The following KCNQ1 variants were observed in gnomAD, a reference collection of about 807,000 sequenced individuals.
KCNQ1 encodes the protein potassium voltage-gated channel subfamily KQT member 1.
Under a neutral mutation model 72.4 loss-of-function variants are expected in KCNQ1, and 49 were observed. The ratio of observed to expected loss-of-function variants is 0.68; its 90% CI spans 0.54 to 0.86. The LOEUF (loss-of-function observed/expected upper bound fraction) is 0.86, where lower values mean the gene tolerates loss of function less well. Among genes scored for constraint, KCNQ1 ranks in the 40% least tolerant of loss-of-function variants. The probability of loss-of-function intolerance (pLI) is 0.00; values close to 1 mark genes in which losing one functional copy is unlikely to be tolerated. For missense variants in KCNQ1, 790 were observed against 945.1 expected (o/e 0.84, Z 2.15); for synonymous variants, 450 against 412.6 (o/e 1.09, Z -1.10).
chr11:2,774,860 A>G (rs771065476), intron 12 of KCNQ1, among the ~76,000 whole-genome samples: 88 of 152,056 alleles, frequency 5.8e-4, no homozygotes, highest in Non-Finnish European at 9.7e-4. Flanking sequence ...CGGGCCCTCA[A>G]CGGTACCTGA....
In KCNQ1 at chr11:2,483,470, C is replaced by T. The variant is rs370623598; in HGVS notation, c.386+37986C>T. On this transcript the variant is annotated intron_variant, in intron 1 of 15. Coordinates refer to ENST00000155840, the MANE Select transcript of KCNQ1 (RefSeq NM_000218.3). The surrounding 1 kb of genome is among the most constrained non-coding windows in gnomAD (Gnocchi z 6.1). The stretch of plus-strand genomic sequence containing the variant: ...TCAACTGCAGATCTGATTCAAATCC[C>T]GCGTTTTTCTAGCATCCGGTTTCTG... Among the ~76,000 whole-genome samples, 3 of 152,056 alleles carry T rather than the reference C, an allele frequency of 2.0e-5. No homozygotes were observed. Among genetic ancestry groups the T allele is most frequent in the African/African-American group, 4.8e-5 (2 of 41,382 alleles).
In KCNQ1 at chr11:2,538,268, G is replaced by A. The variant is rs932255066; in HGVS notation, c.477+10250G>A. 9.9e-5 allele frequency among the ~76,000 whole-genome samples: 15 copies of A among 152,168 alleles called. No homozygotes were observed. The highest frequency in any genetic ancestry group is 3.4e-4 in the African/African-American group (14 of 41,416). Reference sequence around the variant, plus strand: ...AGCTTCTTTGACCTGGAGCAGCCCTGCCCGGCCTTCCCTTCTTGGTCTCTC... The same window carrying A: ...AGCTTCTTTGACCTGGAGCAGCCCTACCCGGCCTTCCCTTCTTGGTCTCTC... On this transcript the variant is annotated intron_variant, in intron 2 of 15. Coordinates refer to ENST00000155840, the MANE Select transcript of KCNQ1 (RefSeq NM_000218.3). The surrounding 1 kb of genome is among the most constrained non-coding windows in gnomAD (Gnocchi z 6.7).
rs1845744176 is a variant in KCNQ1 at position 2,725,516 on chromosome 11, G to C, written c.1515-43328G>C. On this transcript the variant is annotated intron_variant, in intron 11 of 15. Coordinates refer to ENST00000155840, the MANE Select transcript of KCNQ1 (RefSeq NM_000218.3). This position sits in a 1 kb window ranked among gnomAD's most constrained non-coding sequence, Gnocchi z 7.2. ...TTCGAGCTACTGATATAGAACCTCT[G>C]CGTTTAGCTGTGGTTTAGGAAGTGC... Among the ~76,000 whole-genome samples the C allele has an allele frequency of 6.6e-6, 1 of 152,216 alleles. No homozygotes were observed. The highest frequency in any genetic ancestry group is 2.1e-4 in the South Asian group (1 of 4,830).
intron 10 of KCNQ1, among the ~76,000 whole-genome samples, chr11:2,596,854 CAATA>C (rs551559310): frequency 1.5e-4 from 22 of 151,480 alleles, no homozygotes; most frequent in African/African-American, 5.1e-4. Context: ...AATTATATCT[CAATA>C]AAACTGTTTA....
chr11:2,659,925 A>G lies in KCNQ1; in HGVS notation c.1394-2036A>G, dbSNP rs540484323. On this transcript the variant is annotated intron_variant, in intron 10 of 15. Transcript: ENST00000155840. This position sits in a 1 kb window ranked among gnomAD's most constrained non-coding sequence, Gnocchi z 4.3. ...TTGTCAAGTTGTAAGCATTCTTTAT[A>G]TATTCTGAGTGCAAGTCCTTGACCT... 2 of 398,378 alleles carry G rather than the reference A, an allele frequency of 5.0e-6. No individual in the cohort carries two copies. Among genetic ancestry groups the G allele is most frequent in the African/African-American group, 4.1e-5 (2 of 48,736 alleles). 24.7% of individuals were successfully genotyped at this position (398,378 alleles called of 1,614,324 possible).
At chr11:2,763,587 T>C (rs749619912) in intron 11 of KCNQ1, among the ~76,000 whole-genome samples, 2 of 152,194 alleles carry the variant, frequency 1.3e-5, no homozygotes, top group Non-Finnish European at 2.9e-5. Context: ...AATATACATA[T>C]ACATATTTTA....
chr11:2,755,406 G>T (rs190186786), intron 11 of KCNQ1, among the ~76,000 whole-genome samples: 1 of 152,038 alleles, frequency 6.6e-6, no homozygotes, highest in East Asian at 1.9e-4. Flanking sequence ...ACGTGCCACC[G>T]CGCCTGGCTA....
chr11:2,800,276 C>A (rs535848042), intron 15 of KCNQ1, among the ~76,000 whole-genome samples: 12 of 152,352 alleles, frequency 7.9e-5, no homozygotes, highest in Non-Finnish European at 1.0e-4. Context: ...AGAGGCCTCC[C>A]CCAGCAGGGT....
Position 2,544,215 on chromosome 11 carries a change from T to C in KCNQ1, c.477+16197T>C, listed in dbSNP as rs534996229. On this transcript the variant is annotated intron_variant, in intron 2 of 15. Transcript: ENST00000155840. This position sits in a 1 kb window ranked among gnomAD's most constrained non-coding sequence, Gnocchi z 4.4. ...ATATTGAATCCTCTGATCAATGAGA[T>C]TATCTATCTCATATATATATATGTG... Among the ~76,000 whole-genome samples, 3 of 151,258 alleles carry C rather than the reference T, an allele frequency of 2.0e-5. No individual in the cohort carries two copies. The East Asian group carries it at 5.8e-4, about 29-fold the overall frequency.
At chr11:2,570,795 C>T (rs773857397) in intron 3 of KCNQ1, 41 bp downstream of exon 3, 52 of 1,605,214 alleles carry the variant, frequency 3.2e-5, no homozygotes, top group Admixed American at 3.3e-5. Flanking sequence ...CCCAGGTTTC[C>T]AGACCAGGAA....
chr11:2,581,915 G>A (rs993639580), intron 6 of KCNQ1, among the ~76,000 whole-genome samples: 15 of 152,182 alleles, frequency 9.9e-5, no homozygotes, highest in Non-Finnish European at 1.8e-4. Flanking sequence ...GGACAGTGGC[G>A]CTGCAGGGAG....
intron 1 of KCNQ1, among the ~76,000 whole-genome samples, chr11:2,469,673 AT>A (rs142349298): frequency 0.27 from 41,340 of 150,474 alleles, 6,166 homozygotes; most frequent in African/African-American, 0.36. Flanking sequence ...CTTTTAAACA[AT>A]TTTTTTTTTC....
At position 2,695,994 on chromosome 11, in the gene KCNQ1, A is replaced by G. The variant is rs1461510098; in HGVS notation, c.1514+33913A>G. 2 of 398,636 alleles carry G rather than the reference A, an allele frequency of 5.0e-6. No homozygotes were observed. 24.7% of individuals were successfully genotyped at this position (398,636 alleles called of 1,614,324 possible). On this transcript the variant is annotated intron_variant, in intron 11 of 15. Coordinates refer to ENST00000155840, the MANE Select transcript of KCNQ1 (RefSeq NM_000218.3). The surrounding 1 kb of genome is among the most constrained non-coding windows in gnomAD (Gnocchi z 5.2). Reference sequence around the variant, plus strand: ...CAAATATCTTGTAATGAGTCATGGCAAAGTTACATTCATGAGTGTAAAAGT... The same window carrying G: ...CAAATATCTTGTAATGAGTCATGGCGAAGTTACATTCATGAGTGTAAAAGT...
chr11:2,812,366 C>A lies in KCNQ1; in HGVS notation c.1794+34329C>A, dbSNP rs75932369. ...CCTTCCTCCCTGAGACCTGGGACGC[C>A]GAGGAGGGTTCCGTTCCCTCCCCCA... On this transcript the variant is annotated intron_variant, in intron 15 of 15. Coordinates refer to ENST00000155840, the MANE Select transcript of KCNQ1 (RefSeq NM_000218.3). Among the ~76,000 whole-genome samples, 1,182 of 152,146 alleles carry A rather than the reference C, an allele frequency of 7.8e-3. 13 individuals are homozygous for A. The highest frequency in any genetic ancestry group is 0.027 in the African/African-American group (1,126 of 41,524).
rs1847514496 is a variant in KCNQ1, at chr11:2,526,707, G to C, written c.387-1221G>C. Among the ~76,000 whole-genome samples the C allele has an allele frequency of 6.6e-6, 1 of 152,104 alleles. No individual in the cohort carries two copies. The highest frequency in any genetic ancestry group is 1.5e-5 in the Non-Finnish European group (1 of 67,996). On this transcript the variant is annotated intron_variant, in intron 1 of 15. Transcript: ENST00000155840. The surrounding 1 kb of genome is among the most constrained non-coding windows in gnomAD (Gnocchi z 6.1). Reference sequence around the variant, plus strand: ...GGCTGGGCTGTCCACATCTGGACAGGTGGAAGAGGATGGGTTCTGGGTGGG... The same window carrying C: ...GGCTGGGCTGTCCACATCTGGACAGCTGGAAGAGGATGGGTTCTGGGTGGG...
intron 11 of KCNQ1, among the ~76,000 whole-genome samples, chr11:2,736,324 G>C (rs1014312925): frequency 1.3e-5 from 2 of 152,192 alleles, no homozygotes; most frequent in African/African-American, 4.8e-5. Context: ...CTGGGATCTG[G>C]GGCCCACCGG....
At chr11:2,733,412 C>T (rs1398490113) in intron 11 of KCNQ1, among the ~76,000 whole-genome samples, 1 of 152,162 alleles carries the variant, frequency 6.6e-6, no homozygotes, top group Non-Finnish European at 1.5e-5. Context: ...AGCTTCCTTC[C>T]AGACAGGCTG....
chr11:2,846,252 G>T (rs1019174840), intron 15 of KCNQ1, among the ~76,000 whole-genome samples: 1 of 152,198 alleles, frequency 6.6e-6, no homozygotes. Flanking sequence ...AGTGGTTGAC[G>T]TTGCTGTGGC....
At chr11:2,700,916 C>T (rs963454574) in intron 11 of KCNQ1, among the ~76,000 whole-genome samples, 3 of 152,260 alleles carry the variant, frequency 2.0e-5, no homozygotes, top group African/African-American at 2.4e-5. Context: ...GTCACAAAAG[C>T]CCCCTCTAGA....
Sources: gnomAD v4.1 joint callset for allele counts (sites outside exome capture counted in the v4.1 genomes callset) on GRCh38, gnomAD v4.1.1 for gene constraint, Gnocchi (gnomAD v3.1) non-coding constraint, MANE v1.5 for transcripts, NCBI Gene and HGNC (gene_info 2026-07-23, HGNC 2026-07-21) for gene names.